The following DMBX1 variants were observed in gnomAD, a reference collection of about 807,000 sequenced individuals.
The protein encoded by DMBX1 is diencephalon/mesencephalon homeobox protein 1.
A neutral mutation model predicts 30.4 loss-of-function variants in DMBX1; 7 were observed. That is an observed-to-expected ratio of 0.23 (90% CI 0.13 to 0.43). The LOEUF is 0.43. Ranked by LOEUF, DMBX1 falls within the 20% of genes least tolerant of loss-of-function variation. The pLI, the probability that DMBX1 is intolerant of heterozygous loss-of-function variation, is 1.00. For synonymous variants in DMBX1, 222 were observed against 214.2 expected (o/e 1.04, Z -0.32); for missense variants, 460 against 508.5 (o/e 0.90, Z 0.92).
rs199960312 is a variant in DMBX1 at position 46,512,458 on chromosome 1, C to T, written c.1098C>T (p.His366=). Residue 366 remains histidine, a synonymous_variant, in exon 6 of 6, where the codon CAC becomes CAT. Transcript: ENST00000360032. This position sits in a 1 kb window ranked among gnomAD's most constrained non-coding sequence, Gnocchi z 4.8. The stretch of plus-strand genomic sequence containing the variant: ...ACCTGCGGCTCCGGGCCAAGCAGCA[C>T]GCGGCCTCCCTGGGACTCGATACGC... ...IENLRLRAKQ[H]AASLGLDTLP... 77 of 1,613,348 alleles carry T rather than the reference C, an allele frequency of 4.8e-5. No individual in the cohort carries two copies. In the South Asian group the frequency reaches 6.7e-4, roughly 14 times the overall value.
At chr1:46,496,975 T>A (rs1158450433) in intron 2 of DMBX1, among the ~76,000 whole-genome samples, 1 of 152,190 alleles carries the variant, frequency 6.6e-6, no homozygotes, top group Non-Finnish European at 1.5e-5. Context: ...CTGGAGAACC[T>A]CCAGAGATAA....
rs1455291284 is a variant in DMBX1, at chr1:46,510,598, G to T, written c.277G>T (p.Val93Leu). 1 of 1,614,172 alleles carries T rather than the reference G, an allele frequency of 6.2e-7. No homozygotes were observed. The highest frequency in any genetic ancestry group is 8.5e-7 in the Non-Finnish European group (1 of 1,180,026). Residue 93 changes from valine to leucine, a missense_variant, in exon 4 of 6, where the codon GTG (valine) becomes TTG (leucine). By Grantham distance (32) the Val-to-Leu change is conservative (BLOSUM62 1). This residue lies in a region of DMBX1 where 124 missense variants were observed against 144.0 expected (regional missense o/e 0.86). Transcript: ENST00000360032. The surrounding 1 kb of genome is among the most constrained non-coding windows in gnomAD (Gnocchi z 4.1). Reference protein sequence around the residue: ...KTFQKTHYPDVVMRERLAMCT... With the variant: ...KTFQKTHYPDLVMRERLAMCT... ...CTTCCAGAAGACTCACTACCCAGAT[G>T]TGGTGATGCGTGAGAGGCTGGCCAT...
At chr1:46,503,624 T>C (rs766925332) in intron 2 of DMBX1, among the ~76,000 whole-genome samples, 1 of 152,248 alleles carries the variant, frequency 6.6e-6, no homozygotes, top group Non-Finnish European at 1.5e-5. Context: ...TTGCCAAGAA[T>C]GTCTGCGTAC....
In DMBX1 at chr1:46,512,740, A is replaced by G. The variant is rs1666409599; in HGVS notation, c.*246A>G. On this transcript the variant is annotated 3_prime_UTR_variant, in exon 6 of 6. Transcript: ENST00000360032. This position sits in a 1 kb window ranked among gnomAD's most constrained non-coding sequence, Gnocchi z 4.8. Reference sequence around the variant, plus strand: ...GGAGGTGAGAGGCTGGGGTGCCCCAAGCTTCCCTCGGAGAAGTGAGAGGCT... The same window carrying G: ...GGAGGTGAGAGGCTGGGGTGCCCCAGGCTTCCCTCGGAGAAGTGAGAGGCT... 5.8e-6 allele frequency: 3 copies of G among 513,234 alleles called. No homozygotes were observed. Among genetic ancestry groups the G allele is most frequent in the Non-Finnish European group, 1.0e-5 (3 of 292,016 alleles). The allele number at this position is 513,234 out of a possible 1,614,324, so 31.8% of individuals were successfully genotyped here. A position where few individuals can be genotyped will look rare whatever the true frequency, so the allele number is the denominator to read the frequency against.
At chr1:46,505,552 A>G (rs1666216790) in intron 2 of DMBX1, among the ~76,000 whole-genome samples, 1 of 149,570 alleles carries the variant, frequency 6.7e-6, no homozygotes, top group Non-Finnish European at 1.5e-5. Context: ...TTGAACAATG[A>G]GATCACATGG....
At chr1:46,495,401 G>A (rs559305114) in intron 2 of DMBX1, among the ~76,000 whole-genome samples, 6 of 152,196 alleles carry the variant, frequency 3.9e-5, no homozygotes, top group Non-Finnish European at 8.8e-5. Context: ...AGACTCCCTC[G>A]ATTCCATCCC....
At chr1:46,505,958 A>G (rs1666226805) in intron 2 of DMBX1, among the ~76,000 whole-genome samples, 1 of 152,132 alleles carries the variant, frequency 6.6e-6, no homozygotes, top group South Asian at 2.1e-4. Context: ...GGTGAGAATA[A>G]AGGGAGGTAA....
At chr1:46,499,065 C>T (rs1396797261) in intron 2 of DMBX1, among the ~76,000 whole-genome samples, 4 of 150,990 alleles carry the variant, frequency 2.6e-5, no homozygotes, top group Non-Finnish European at 5.9e-5. Context: ...TTTTTGAGAC[C>T]GAGTCTCACT....
Position 46,512,125 on chromosome 1 carries a change from G to T in DMBX1, c.765G>T (p.Pro255=), listed in dbSNP as rs1334761644. 6.2e-7 allele frequency: 1 copy of T among 1,613,854 alleles called. No homozygotes were observed. Among genetic ancestry groups the T allele is most frequent in the Admixed American group, 1.7e-5 (1 of 60,010 alleles). The stretch of plus-strand genomic sequence containing the variant: ...CCTCCCACTCCTATTCCTCGTCCCC[G>T]CTGAGCCTCTTCCGTCTGCAGGAGC... ...LGPSHSYSSS[P]LSLFRLQEQF... The change falls in exon 6 of 6, where the codon CCG becomes CCT. Residue 255 remains proline, a synonymous_variant. Transcript: ENST00000360032. This position sits in a 1 kb window ranked among gnomAD's most constrained non-coding sequence, Gnocchi z 4.8.
chr1:46,507,206 G>T, intron 3 of DMBX1, 42 bp downstream of exon 3: 2 of 1,605,846 alleles, frequency 1.2e-6, no homozygotes, highest in Non-Finnish European at 1.7e-6. Context: ...AGGACTGTGG[G>T]GGTTGGGGGA....
In DMBX1 at chr1:46,502,625, G is replaced by C. The variant is rs185919199; in HGVS notation, c.-12-4374G>C. 1.3e-4 allele frequency among the ~76,000 whole-genome samples: 20 copies of C among 152,216 alleles called. No homozygotes were observed. In the South Asian group the frequency reaches 1.7e-3, roughly 13 times the overall value. Reference sequence around the variant, plus strand: ...CCATAGGCCAGGTGTGGTGGTTCACGCCTGTAATTCCAGCACTTTGGGAGG... The same window carrying C: ...CCATAGGCCAGGTGTGGTGGTTCACCCCTGTAATTCCAGCACTTTGGGAGG... On this transcript the variant is annotated intron_variant, in intron 2 of 5. Transcript: ENST00000360032.
intron 2 of DMBX1, 127 bp from the exon 3 acceptor site, chr1:46,506,872 C>T: frequency 1.9e-6 from 2 of 1,068,544 alleles, no homozygotes; most frequent in African/African-American, 1.6e-5. Flanking sequence ...GACAGGCTCC[C>T]TTCCGATGGA....
Position 46,511,076 on chromosome 1 carries a change from A to C in DMBX1, c.475A>C (p.Thr159Pro). 6.2e-7 allele frequency: 1 copy of C among 1,614,104 alleles called. No individual in the cohort carries two copies. The highest frequency in any genetic ancestry group is 8.5e-7 in the Non-Finnish European group (1 of 1,180,004). Residue 159 changes from threonine (T) to proline (P), a missense_variant, in exon 5 of 6, where the codon ACT becomes CCT. By Grantham distance (38) the Thr-to-Pro change is conservative (BLOSUM62 -1). Around this residue, in one of 3 missense-constraint regions of DMBX1, gnomAD observed 334 missense variants for 345.1 expected, o/e 0.97. Coordinates refer to ENST00000360032, the MANE Select transcript of DMBX1 (RefSeq NM_172225.2). ...EAPTPDTQLDTEQPPRLPGSD... is the reference protein window; with the variant it reads ...EAPTPDTQLDPEQPPRLPGSD... ...CCCCACTCCAGATACCCAGCTGGACACTGAGCAGCCCCCACGTCTGCCTGG... is the reference window on the plus strand; with the variant it reads ...CCCCACTCCAGATACCCAGCTGGACCCTGAGCAGCCCCCACGTCTGCCTGG...
intron 2 of DMBX1, among the ~76,000 whole-genome samples, chr1:46,503,935 C>A (rs1204017464): frequency 6.6e-6 from 1 of 152,214 alleles, no homozygotes; most frequent in Non-Finnish European, 1.5e-5. Flanking sequence ...ACCTTGGCAG[C>A]CTCTTGTTGA....
Position 46,507,114 on chromosome 1 carries a change from C to G in DMBX1, c.104C>G (p.Pro35Arg). 1 of 1,614,228 alleles carries G rather than the reference C, an allele frequency of 6.2e-7. No individual in the cohort carries two copies. Among genetic ancestry groups the G allele is most frequent in the East Asian group, 2.2e-5 (1 of 44,872 alleles). The change falls in exon 3 of 6, where the codon CCC becomes CGC. Residue 35 changes from proline to arginine, a missense_variant. By Grantham distance (103) the Pro-to-Arg change is moderately radical. Transcript: ENST00000360032. Reference protein sequence around the residue: ...QQAAQQAQHAPDYRPSVHALT... With the variant: ...QQAAQQAQHARDYRPSVHALT... ...GCAGCCCAGCAGGCCCAGCATGCCCCCGACTACCGGCCTTCAGTGCATGCG... is the reference window on the plus strand; with the variant it reads ...GCAGCCCAGCAGGCCCAGCATGCCCGCGACTACCGGCCTTCAGTGCATGCG...
chr1:46,501,219 T>C (rs1666123101), intron 2 of DMBX1, among the ~76,000 whole-genome samples: 7 of 57,574 alleles, frequency 1.2e-4, no homozygotes, highest in Admixed American at 1.9e-4. Flanking sequence ...CCTTCCTTTC[T>C]TTCTTTCTTT....
At chr1:46,501,473 G>A (rs1011287084) in intron 2 of DMBX1, among the ~76,000 whole-genome samples, 10 of 151,584 alleles carry the variant, frequency 6.6e-5, no homozygotes, top group African/African-American at 2.4e-4. Flanking sequence ...AGTAGAGGTG[G>A]GGTTTCACCA....
At position 46,512,187 on chromosome 1, in the gene DMBX1, T is replaced by C; in HGVS notation, c.827T>C (p.Val276Ala). 1 of 1,614,026 alleles carries C rather than the reference T, an allele frequency of 6.2e-7. No individual in the cohort carries two copies. The highest frequency in any genetic ancestry group is 1.3e-5 in the African/African-American group (1 of 75,008). Reference protein sequence around the residue: ...RQHMAATNNLVHYSSFEVGGP... With the variant: ...RQHMAATNNLAHYSSFEVGGP... Reference sequence around the variant, plus strand: ...CACATGGCGGCCACCAACAACCTGGTGCACTACTCGTCCTTCGAAGTAGGG... The same window carrying C: ...CACATGGCGGCCACCAACAACCTGGCGCACTACTCGTCCTTCGAAGTAGGG... Residue 276 changes from valine to alanine, a missense_variant, in exon 6 of 6, where the codon GTG becomes GCG. Physicochemically the swap from Val to Ala is moderately conservative, Grantham distance 64. Coordinates refer to ENST00000360032, the MANE Select transcript of DMBX1 (RefSeq NM_172225.2). This position sits in a 1 kb window ranked among gnomAD's most constrained non-coding sequence, Gnocchi z 4.8.
chr1:46,509,999 T>C (rs187307042), intron 3 of DMBX1, among the ~76,000 whole-genome samples: 64 of 152,294 alleles, frequency 4.2e-4, no homozygotes, highest in Middle Eastern at 3.4e-3. Flanking sequence ...GACCTTGAGA[T>C]GGGTACCAGC....
Sources: allele counts gnomAD v4.1 joint callset (sites outside exome capture counted in the v4.1 genomes callset), GRCh38; gene constraint gnomAD v4.1.1; regional missense constraint gnomAD v4.1.1; non-coding constraint Gnocchi (gnomAD v3.1); transcripts MANE v1.5; gene names NCBI Gene and HGNC (gene_info 2026-07-23, HGNC 2026-07-21).